The following DOCK1 variants were observed in gnomAD, a reference collection of about 807,000 sequenced individuals.
DOCK1 encodes dedicator of cytokinesis protein 1.
Under a neutral mutation model 262.7 loss-of-function variants are expected in DOCK1, and 138 were observed. The ratio of observed to expected loss-of-function variants is 0.53; its 90% CI spans 0.46 to 0.61. The LOEUF is 0.61. Among genes scored for constraint, DOCK1 ranks in the 20% least tolerant of loss-of-function variants. The probability of loss-of-function intolerance (pLI) is 0.00; values close to 1 mark genes in which losing one functional copy is unlikely to be tolerated. For missense variants in DOCK1, 1,908 were observed against 2,370.7 expected, an observed-to-expected ratio of 0.80 and a Z score of 4.05; for synonymous variants, 866 against 867.4, an observed-to-expected ratio of 1.00 and a Z score of 0.03.
chr10:127,367,741 G>A (rs990064062), intron 33 of DOCK1, among the ~76,000 whole-genome samples: 2 of 152,180 alleles, frequency 1.3e-5, no homozygotes, highest in African/African-American at 4.8e-5. Flanking sequence ...CCGGTCCGTT[G>A]ACAGGAAGGC....
At chr10:127,064,653 G>A (rs1164779703) in intron 23 of DOCK1, among the ~76,000 whole-genome samples, 2 of 152,126 alleles carry the variant, frequency 1.3e-5, no homozygotes, top group East Asian at 1.9e-4. Flanking sequence ...CCAGGCGCCC[G>A]CCGTGCCCAG....
intron 1 of DOCK1, among the ~76,000 whole-genome samples, chr10:126,963,677 C>CCCTTCCTCCCTT (rs2037456278): frequency 8.6e-6 from 1 of 116,724 alleles, no homozygotes; most frequent in Non-Finnish European, 1.7e-5. Flanking sequence ...CTTCCTCCCT[C>CCCTTCCTCCCTT]CCTTCCTCCC....
At chr10:127,091,229 C>T (rs531638566) in intron 23 of DOCK1, among the ~76,000 whole-genome samples, 4 of 152,216 alleles carry the variant, frequency 2.6e-5, no homozygotes, top group African/African-American at 9.6e-5. Flanking sequence ...GCGATCCGCC[C>T]GACTTGGCCT....
At chr10:127,307,297 A>T (rs1441318234) in intron 29 of DOCK1, among the ~76,000 whole-genome samples, 1 of 152,204 alleles carries the variant, frequency 6.6e-6, no homozygotes, top group East Asian at 1.9e-4. Context: ...CAAGTGAAAC[A>T]TCATGCTGCC....
At chr10:127,302,370 GC>G (rs1330938830) in intron 29 of DOCK1, among the ~76,000 whole-genome samples, 1 of 152,132 alleles carries the variant, frequency 6.6e-6, no homozygotes, top group Non-Finnish European at 1.5e-5. Context: ...CTACAGGAGA[GC>G]CCTGGGGGGC....
In DOCK1 at chr10:127,419,642, A is replaced by C. The variant is rs1397080847; in HGVS notation, c.4693-24A>C. ...CTGTGTTTGCTGAGCAGGTGCACTGAGCAACTCTCCTTGTCTCCACCAGGC... is the reference window on the plus strand; with the variant it reads ...CTGTGTTTGCTGAGCAGGTGCACTGCGCAACTCTCCTTGTCTCCACCAGGC... On this transcript the variant is annotated intron_variant, in intron 45 of 51. Coordinates refer to ENST00000623213, the MANE Select transcript of DOCK1 (RefSeq NM_001290223.2). 3 of 1,585,186 alleles carry C rather than the reference A, an allele frequency of 1.9e-6. No individual in the cohort carries two copies. The South Asian group carries it at 3.5e-5, about 18-fold the overall frequency.
intron 38 of DOCK1, among the ~76,000 whole-genome samples, chr10:127,387,658 G>A (rs956388681): frequency 6.6e-6 from 1 of 152,162 alleles, no homozygotes; most frequent in Non-Finnish European, 1.5e-5. Flanking sequence ...AGAACCTCAC[G>A]CGTCAATTCC....
At chr10:127,026,257 T>A in intron 15 of DOCK1, 95 bp from the exon 16 acceptor site, 1 of 1,174,380 alleles carries the variant, frequency 8.5e-7, no homozygotes, top group Non-Finnish European at 1.2e-6. Context: ...CAGTTAGAAA[T>A]GTTTACAGTT....
intron 23 of DOCK1, among the ~76,000 whole-genome samples, chr10:127,081,695 T>C (rs2046907657): frequency 6.6e-6 from 1 of 152,216 alleles, no homozygotes. Flanking sequence ...GCCTGTGTCC[T>C]GGTTCAGAAC....
At chr10:126,962,733 C>T (rs1292447192) in intron 1 of DOCK1, among the ~76,000 whole-genome samples, 3 of 152,150 alleles carry the variant, frequency 2.0e-5, no homozygotes, top group Non-Finnish European at 2.9e-5. Flanking sequence ...TTAATTTTGA[C>T]GAAGTCTAAC....
chr10:127,027,286 C>T (rs1311361970), intron 16 of DOCK1, among the ~76,000 whole-genome samples: 1 of 152,214 alleles, frequency 6.6e-6, no homozygotes, highest in Non-Finnish European at 1.5e-5. Context: ...TCTTCTGTAT[C>T]TTCATTTGAG....
chr10:127,142,046 A>C (rs547684603), intron 27 of DOCK1, among the ~76,000 whole-genome samples: 1 of 152,162 alleles, frequency 6.6e-6, no homozygotes, highest in Admixed American at 6.5e-5. Context: ...GTGACCAGCT[A>C]CCACAGTCGC....
At chr10:127,420,200 C>T (rs148846215) in intron 46 of DOCK1, among the ~76,000 whole-genome samples, 1 of 152,180 alleles carries the variant, frequency 6.6e-6, no homozygotes, top group East Asian at 1.9e-4. Flanking sequence ...TGGTGTGCGT[C>T]CTCATCTGTG....
chr10:127,428,131 A>G (rs1273675256), intron 47 of DOCK1, among the ~76,000 whole-genome samples: 4 of 152,260 alleles, frequency 2.6e-5, no homozygotes, highest in Non-Finnish European at 5.9e-5. Context: ...GGAGTGCGTC[A>G]CATCGCATCT....
intron 27 of DOCK1, among the ~76,000 whole-genome samples, chr10:127,194,277 C>A (rs1359796568): frequency 6.6e-6 from 1 of 152,182 alleles, no homozygotes; most frequent in Non-Finnish European, 1.5e-5. Context: ...ATAAAACCAT[C>A]GTGAGGAGCA....
intron 1 of DOCK1, among the ~76,000 whole-genome samples, chr10:126,934,770 T>TG (rs1327753923): frequency 7.0e-6 from 1 of 143,350 alleles, no homozygotes; most frequent in African/African-American, 2.6e-5. Context: ...TTTTTTTTTT[T>TG]TGTCTTCTTG....
intron 1 of DOCK1, among the ~76,000 whole-genome samples, chr10:126,926,111 A>G (rs913456032): frequency 6.6e-6 from 1 of 152,108 alleles, no homozygotes; most frequent in African/African-American, 2.4e-5. Flanking sequence ...GTGATGTGAT[A>G]GGGGTAAAAT....
intron 3 of DOCK1, among the ~76,000 whole-genome samples, chr10:126,980,376 G>A (rs1410508516): frequency 6.6e-6 from 1 of 151,838 alleles, no homozygotes; most frequent in South Asian, 2.1e-4. Flanking sequence ...AAAAAATTTC[G>A]GCAGTGAAAG....
chr10:127,367,297 G>A (rs901618132), intron 33 of DOCK1, among the ~76,000 whole-genome samples: 2 of 151,992 alleles, frequency 1.3e-5, no homozygotes, highest in African/African-American at 4.8e-5. Flanking sequence ...GTCTCCACTT[G>A]TGCAAGAAAG....
Sources: gnomAD v4.1 joint callset for allele counts (sites outside exome capture counted in the v4.1 genomes callset) on GRCh38, gnomAD v4.1.1 for gene constraint, MANE v1.5 for transcripts, NCBI Gene and HGNC (gene_info 2026-07-23, HGNC 2026-07-21) for gene names.